The following CCDC43 variants were observed in gnomAD, a reference collection of about 807,000 sequenced individuals.
CCDC43 encodes coiled-coil domain-containing protein 43.
A neutral mutation model predicts 33.3 loss-of-function variants in CCDC43; 20 were observed. The ratio of observed to expected loss-of-function variants is 0.60; its 90% CI spans 0.42 to 0.87. CCDC43 has a LOEUF of 0.87. Ranked by LOEUF, CCDC43 falls within the 40% of genes least tolerant of loss-of-function variation. CCDC43 has a pLI of 0.00. For synonymous variants in CCDC43, 104 were observed against 106.5 expected, an observed-to-expected ratio of 0.98 and a Z score of 0.14; for missense variants, 248 against 269.9, an observed-to-expected ratio of 0.92 and a Z score of 0.57.
rs74982138 is a variant in CCDC43, at chr17:44,681,458, T to C, written c.428+545A>G. Among the ~76,000 whole-genome samples the C allele has an allele frequency of 4.4e-4, 67 of 152,262 alleles. 1 individual carries two copies. In the East Asian group the frequency reaches 9.4e-3, roughly 21 times the overall value. On this transcript the variant is annotated intron_variant, in intron 3 of 4. Coordinates refer to ENST00000315286, the MANE Select transcript of CCDC43 (RefSeq NM_144609.3). Reference sequence around the variant, plus strand: ...GTCCAGAATTATTCTGGTATTGCTTTGGAGGTTCAGCCTTACTTTTAACTA... The same window carrying C: ...GTCCAGAATTATTCTGGTATTGCTTCGGAGGTTCAGCCTTACTTTTAACTA...
intron 1 of CCDC43, 72 bp downstream of exon 1, chr17:44,689,478 G>A (rs952556617): frequency 1.3e-6 from 2 of 1,592,920 alleles, no homozygotes; most frequent in Admixed American, 1.7e-5. Context: ...CGGTAGGGGA[G>A]GGAGGGTGCA....
intron 3 of CCDC43, 171 bp downstream of exon 3, chr17:44,681,832 A>C: frequency 1.4e-6 from 1 of 721,852 alleles, no homozygotes; most frequent in South Asian, 1.8e-5. Flanking sequence ...TCCAGTATCA[A>C]CTAATCCAAT....
At chr17:44,687,803 G>A (rs1598736525) in intron 1 of CCDC43, 1 of 152,218 alleles carries the variant, frequency 6.6e-6, no homozygotes, top group African/African-American at 2.4e-5. Context: ...CCTATAATCT[G>A]TAATGTTGTG....
chr17:44,689,397 C>A, intron 1 of CCDC43, 153 bp downstream of exon 1: 1 of 1,169,764 alleles, frequency 8.5e-7, no homozygotes. Flanking sequence ...GGAGCAACCT[C>A]CTTCCCCCGC....
chr17:44,683,230 T>C (rs1405466361), intron 2 of CCDC43, among the ~76,000 whole-genome samples: 1 of 152,180 alleles, frequency 6.6e-6, no homozygotes, highest in East Asian at 1.9e-4. Flanking sequence ...ATTTGTGTTA[T>C]GAAATGACAA....
chr17:44,686,361 G>A (rs1159403999), intron 1 of CCDC43, among the ~76,000 whole-genome samples: 1 of 152,094 alleles, frequency 6.6e-6, no homozygotes, highest in Non-Finnish European at 1.5e-5. Flanking sequence ...AACTTCCTTG[G>A]TCCAGAGTTT....
intron 3 of CCDC43, among the ~76,000 whole-genome samples, chr17:44,681,377 G>A (rs201317263): frequency 2.6e-5 from 4 of 152,178 alleles, no homozygotes; most frequent in Non-Finnish European, 5.9e-5. Flanking sequence ...GGCAGAGGTT[G>A]CAGTGAGCCG....
intron 4 of CCDC43, 39 bp downstream of exon 4, chr17:44,680,546 T>C (rs1972143511): frequency 1.4e-6 from 2 of 1,447,018 alleles, no homozygotes; most frequent in Non-Finnish European, 1.9e-6. Context: ...TCAAGAGGAC[T>C]CTATGGAGAA....
chr17:44,679,946 A>T (rs1427735129), intron 4 of CCDC43, among the ~76,000 whole-genome samples: 1 of 152,066 alleles, frequency 6.6e-6, no homozygotes, highest in African/African-American at 2.4e-5. Flanking sequence ...ACAAATTATA[A>T]GGTTTTTGAG....
Position 44,689,702 on chromosome 17 carries a change from C to T in CCDC43, c.52G>A (p.Gly18Arg), listed in dbSNP as rs1305361904. The T allele has an allele frequency of 6.2e-7, 1 of 1,604,184 alleles. No individual in the cohort carries two copies. Among genetic ancestry groups the T allele is most frequent in the South Asian group, 1.1e-5 (1 of 89,784 alleles). Residue 18 changes from glycine (G) to arginine (R), a missense_variant, in exon 1 of 5, where the codon GGA becomes AGA. By Grantham distance (125) the Gly-to-Arg change is moderately radical. Coordinates refer to ENST00000315286, the MANE Select transcript of CCDC43 (RefSeq NM_144609.3). ...AGCCAGGAGCCAAAGCCGCCGCCTCCGCCATCGCCTTCGCCAGGGGCTATC... is the reference window on the plus strand; with the variant it reads ...AGCCAGGAGCCAAAGCCGCCGCCTCTGCCATCGCCTTCGCCAGGGGCTATC... Reference protein sequence around the residue: ...AAIAPGEGDGGGGGFGSWLDG... With the variant: ...AAIAPGEGDGRGGGFGSWLDG...
At chr17:44,680,336 G>C (rs1238532381) in intron 4 of CCDC43, among the ~76,000 whole-genome samples, 1 of 152,070 alleles carries the variant, frequency 6.6e-6, no homozygotes, top group African/African-American at 2.4e-5. Flanking sequence ...TCAGAGTATA[G>C]ATTTTTATTT....
intron 4 of CCDC43, among the ~76,000 whole-genome samples, chr17:44,679,805 A>G (rs185761586): frequency 2.0e-5 from 3 of 151,896 alleles, no homozygotes; most frequent in African/African-American, 7.2e-5. Context: ...AAGGCAGGAG[A>G]ATCACTTTAA....
At chr17:44,685,983 G>A (rs1234459227) in intron 1 of CCDC43, among the ~76,000 whole-genome samples, 4 of 151,914 alleles carry the variant, frequency 2.6e-5, no homozygotes, top group South Asian at 2.1e-4. Flanking sequence ...GCGCGATCTC[G>A]GCTCAATGCA....
At position 44,677,617 on chromosome 17, in the gene CCDC43, CAG is replaced by C. The variant is rs1972097001; in HGVS notation, c.*1237_*1238del. On this transcript the variant is annotated 3_prime_UTR_variant, in exon 5 of 5. Transcript: ENST00000315286. ...TAATCTCATAGTTAATGGTATAAAA[CAG>C]AGATTGGCAAACCTTTCCTCCAACA... is the stretch of plus-strand genomic sequence containing the variant. The C allele has an allele frequency of 1.3e-5, 2 of 151,510 alleles. No homozygotes were observed. Among genetic ancestry groups the C allele is most frequent in the Admixed American group, 1.3e-4 (2 of 15,204 alleles). The allele number at this position is 151,510 out of a possible 1,614,324, so 9.4% of individuals were successfully genotyped here. A position where few individuals can be genotyped will look rare whatever the true frequency, so the allele number is the denominator to read the frequency against.
In CCDC43 at chr17:44,680,535, C is replaced by G. The variant is rs370174368; in HGVS notation, c.487+50G>C. 2.2e-6 allele frequency: 3 copies of G among 1,345,228 alleles called. No homozygotes were observed. In the South Asian group the frequency reaches 3.7e-5, roughly 17 times the overall value. The allele number at this position is 1,345,228 out of a possible 1,614,324, so 83.3% of individuals were successfully genotyped here. A position where few individuals can be genotyped will look rare whatever the true frequency, so the allele number is the denominator to read the frequency against. On this transcript the variant is annotated intron_variant, in intron 4 of 4. Coordinates refer to ENST00000315286, the MANE Select transcript of CCDC43 (RefSeq NM_144609.3). Reference sequence around the variant, plus strand: ...CAATGACAGCAAAATAAAAACTGATCTCAAGAGGACTCTATGGAGAAACAC... The same window carrying G: ...CAATGACAGCAAAATAAAAACTGATGTCAAGAGGACTCTATGGAGAAACAC...
chr17:44,682,192 G>C (rs1027900202), intron 2 of CCDC43, 54 bp from the exon 3 acceptor site: 39 of 1,606,220 alleles, frequency 2.4e-5, no homozygotes, highest in Non-Finnish European at 2.9e-5. Context: ...CAAGCTCACT[G>C]AACCACTAGT....
chr17:44,681,849 C>T (rs1286774889), intron 3 of CCDC43, 154 bp downstream of exon 3: 2 of 803,308 alleles, frequency 2.5e-6, no homozygotes, highest in Non-Finnish European at 4.0e-6. Context: ...CAATATCACT[C>T]CGCATATCCA....
rs751135235 is a variant in CCDC43 at position 44,678,884 on chromosome 17, CT to C, written c.646del (p.Arg216GlyfsTer20). On this transcript the variant is annotated frameshift_variant, in exon 5 of 5. Coordinates refer to ENST00000315286, the MANE Select transcript of CCDC43 (RefSeq NM_144609.3). LOFTEE classifies it high-confidence loss of function. ...KQERKEKEKK[R>X]TQRGERKR Reference sequence around the variant, plus strand: ...TCGCTTTCGCTCCCCTCTCTGTGTCCTTTTTTTTTCCTTTTCCTTGCGCTCC... The same window carrying C: ...TCGCTTTCGCTCCCCTCTCTGTGTCCTTTTTTTTCCTTTTCCTTGCGCTCC... 1.3e-5 allele frequency: 21 copies of C among 1,602,308 alleles called. No homozygotes were observed. The highest frequency in any genetic ancestry group is 4.5e-5 in the East Asian group (2 of 44,512).
chr17:44,687,353 C>G (rs904577445), intron 1 of CCDC43, among the ~76,000 whole-genome samples: 13 of 151,914 alleles, frequency 8.6e-5, no homozygotes, highest in Non-Finnish European at 1.3e-4. Context: ...TGAGAATCAC[C>G]TGAACCCAGG....
Sources: allele counts gnomAD v4.1 joint callset (sites outside exome capture counted in the v4.1 genomes callset), GRCh38; gene constraint gnomAD v4.1.1; transcripts MANE v1.5; gene names NCBI Gene and HGNC (gene_info 2026-07-23, HGNC 2026-07-21).